Variants in SLC25A13 observed in about 807,000 individuals in gnomAD.
SLC25A13 encodes solute carrier family 25 member 13.
Under a neutral mutation model 85.5 loss-of-function variants are expected in SLC25A13, and 70 were observed. The observed-to-expected ratio is 0.82, with a 90% CI of 0.68 to 1.00. SLC25A13 has a LOEUF of 1.00. Ranked by LOEUF, SLC25A13 falls within the 50% of genes least tolerant of loss-of-function variation. The pLI, the probability that SLC25A13 is intolerant of heterozygous loss-of-function variation, is 0.00. For synonymous variants in SLC25A13, 259 were observed against 288.7 expected (o/e 0.90, Z 1.04); for missense variants, 765 against 819.8 (o/e 0.93, Z 0.82).
intron 2 of SLC25A13, among the ~76,000 whole-genome samples, chr7:96,289,019 A>C (rs986407830): frequency 1.3e-5 from 2 of 152,214 alleles, no homozygotes; most frequent in Non-Finnish European, 2.9e-5. Flanking sequence ...GTAGGGGCAG[A>C]TTGACACCTC....
intron 14 of SLC25A13, among the ~76,000 whole-genome samples, chr7:96,146,110 A>G (rs1320042235): frequency 6.6e-6 from 1 of 152,222 alleles, no homozygotes; most frequent in African/African-American, 2.4e-5. Context: ...CTGAAAAAAC[A>G]TTTTCTAAAT....
At chr7:96,266,585 A>C (rs1413503219) in intron 3 of SLC25A13, among the ~76,000 whole-genome samples, 1 of 152,200 alleles carries the variant, frequency 6.6e-6, no homozygotes, top group African/African-American at 2.4e-5. Context: ...CCCAATCAGC[A>C]ATCAACCCTT....
intron 4 of SLC25A13, among the ~76,000 whole-genome samples, chr7:96,228,758 G>A (rs1043713876): frequency 3.3e-5 from 5 of 152,184 alleles, no homozygotes; most frequent in African/African-American, 1.2e-4. Flanking sequence ...GTGGGCCAGC[G>A]TGAGTTCTGG....
chr7:96,322,064 G>A lies in SLC25A13; in HGVS notation c.-108C>T. 2.1e-6 allele frequency: 3 copies of A among 1,432,012 alleles called. No homozygotes were observed. The highest frequency in any genetic ancestry group is 1.9e-6 in the Non-Finnish European group (2 of 1,058,744). 88.7% of individuals were successfully genotyped at this position (1,432,012 alleles called of 1,614,324 possible). A position where few individuals can be genotyped will look rare whatever the true frequency, so the allele number is the denominator to read the frequency against. On this transcript the variant is annotated 5_prime_UTR_variant, in exon 1 of 18. Coordinates refer to ENST00000265631, the MANE Select transcript of SLC25A13 (RefSeq NM_014251.3). ...CGGCGGCGGCGGCGGTGGGGGCGGC[G>A]ATACGGCCAGGCAGCGTGCGTTCCT...
chr7:96,289,865 A>G (rs1338306313), intron 2 of SLC25A13, among the ~76,000 whole-genome samples: 1 of 152,220 alleles, frequency 6.6e-6, no homozygotes, highest in Non-Finnish European at 1.5e-5. Context: ...AACTTCCCCA[A>G]CCTAGCAAGG....
chr7:96,257,500 C>T (rs1355582491), intron 3 of SLC25A13, among the ~76,000 whole-genome samples: 1 of 152,076 alleles, frequency 6.6e-6, no homozygotes, highest in Non-Finnish European at 1.5e-5. Flanking sequence ...ATACATCCTC[C>T]CAAGACTAAA....
intron 14 of SLC25A13, among the ~76,000 whole-genome samples, chr7:96,134,447 G>A (rs1432136595): frequency 2.0e-5 from 3 of 152,188 alleles, no homozygotes; most frequent in Middle Eastern, 3.4e-3. Context: ...AAAAGGGGGC[G>A]AGGGGAGAAA....
At position 96,121,335 on chromosome 7, in the gene SLC25A13, G is replaced by A. The variant is rs35539807; in HGVS notation, c.1884C>T (p.Asn628=). 7,636 of 1,614,162 alleles carry A rather than the reference G, an allele frequency of 4.7e-3. 298 individuals are homozygous for A. The African/African-American group carries it at 0.086, about 18-fold the overall frequency. The change falls in exon 18 of 18, where the codon AAC becomes AAT. Residue 628 remains asparagine, a synonymous_variant. Coordinates refer to ENST00000265631, the MANE Select transcript of SLC25A13 (RefSeq NM_014251.3). ...CGTGATCAGGATTCGGGGCAGGCAG[G>A]TTGATCCTGGATTTAGGAACTGGCT... The part of the protein sequence containing the change: ...GSEPVPKSRI[N]LPAPNPDHVG...
At chr7:96,217,469 A>G (rs1250894880) in intron 4 of SLC25A13, among the ~76,000 whole-genome samples, 1 of 152,244 alleles carries the variant, frequency 6.6e-6, no homozygotes, top group Non-Finnish European at 1.5e-5. Flanking sequence ...ATAGCCAAGC[A>G]CTGGGAACAG....
At chr7:96,225,920 TATTA>T (rs1307453203) in intron 4 of SLC25A13, among the ~76,000 whole-genome samples, 1 of 152,154 alleles carries the variant, frequency 6.6e-6, no homozygotes, top group African/African-American at 2.4e-5. Flanking sequence ...GGGAAATGGC[TATTA>T]TTTTCTGCCT....
chr7:96,284,241 T>A (rs1029982817), intron 2 of SLC25A13, among the ~76,000 whole-genome samples: 1 of 152,060 alleles, frequency 6.6e-6, no homozygotes, highest in Non-Finnish European at 1.5e-5. Flanking sequence ...GAGAGACACA[T>A]AGACTGAGAG....
intron 2 of SLC25A13, among the ~76,000 whole-genome samples, chr7:96,285,830 A>G (rs978152735): frequency 6.6e-6 from 1 of 152,180 alleles, no homozygotes. Context: ...CACTCAATAC[A>G]CATCTGTTTA....
intron 14 of SLC25A13, among the ~76,000 whole-genome samples, chr7:96,141,805 G>A (rs957328174): frequency 2.6e-5 from 4 of 152,118 alleles, no homozygotes; most frequent in African/African-American, 9.7e-5. Context: ...AAGAAAAAAG[G>A]GATAAACTGA....
At chr7:96,202,853 G>A (rs752598826) in intron 5 of SLC25A13, among the ~76,000 whole-genome samples, 42 of 152,018 alleles carry the variant, frequency 2.8e-4, no homozygotes, top group Admixed American at 8.5e-4. Context: ...CCTCCCACTA[G>A]CCCAAGGCTA....
intron 8 of SLC25A13, 43 bp downstream of exon 8, chr7:96,189,538 T>C (rs377694053): frequency 1.3e-6 from 2 of 1,581,982 alleles, no homozygotes; most frequent in Admixed American, 1.7e-5. Context: ...AACCTCCTTT[T>C]ATTAAGCTAA....
intron 5 of SLC25A13, among the ~76,000 whole-genome samples, chr7:96,196,327 G>C (rs544919413): frequency 2.0e-5 from 3 of 152,194 alleles, no homozygotes; most frequent in African/African-American, 7.2e-5. Context: ...TATGTTCAGC[G>C]ATTTACCATT....
chr7:96,132,102 G>C (rs949094631), intron 14 of SLC25A13, among the ~76,000 whole-genome samples: 1 of 152,198 alleles, frequency 6.6e-6, no homozygotes, highest in African/African-American at 2.4e-5. Flanking sequence ...GCTGTGATGG[G>C]AGGAGGGCAG....
Position 96,131,816 on chromosome 7 carries a change from A to G in SLC25A13, c.1518T>C (p.His506=). 1 of 1,614,158 alleles carries G rather than the reference A, an allele frequency of 6.2e-7. No homozygotes were observed. The highest frequency in any genetic ancestry group is 1.1e-5 in the South Asian group (1 of 91,086). Reference sequence around the variant, plus strand: ...CTTCATTTGCAAAGGAAGCCTTCACATGAGCATAGCACGGAAAGTAGATGG... The same window carrying G: ...CTTCATTTGCAAAGGAAGCCTTCACGTGAGCATAGCACGGAAAGTAGATGG... The part of the protein sequence containing the change: ...FSAIYFPCYA[H]VKASFANEDG... Residue 506 remains histidine, a synonymous_variant, in exon 15 of 18, where the codon CAT becomes CAC. Coordinates refer to ENST00000265631, the MANE Select transcript of SLC25A13 (RefSeq NM_014251.3).
intron 4 of SLC25A13, among the ~76,000 whole-genome samples, chr7:96,229,197 C>G (rs752726535): frequency 2.6e-5 from 4 of 152,202 alleles, no homozygotes; most frequent in Non-Finnish European, 5.9e-5. Flanking sequence ...ACTCGGAGAA[C>G]TTTTATGTCT....
Sources: allele counts gnomAD v4.1 joint callset (sites outside exome capture counted in the v4.1 genomes callset), GRCh38; gene constraint gnomAD v4.1.1; transcripts MANE v1.5; gene names NCBI Gene and HGNC (gene_info 2026-07-23, HGNC 2026-07-21).